The following CSMD1 variants were observed in gnomAD, a reference collection of about 807,000 sequenced individuals.
CSMD1 encodes CUB and sushi domain-containing protein 1.
CSMD1 carries 213 observed loss-of-function variants against 417.5 expected under a neutral mutation model. That is an observed-to-expected ratio of 0.51 (90% CI 0.46 to 0.57). CSMD1 has a LOEUF of 0.57. Among genes scored for constraint, CSMD1 ranks in the 20% least tolerant of loss-of-function variants. CSMD1 has a pLI of 0.00. For missense variants in CSMD1, 6,923 were observed against 4,529.7 expected (o/e 1.53, Z -15.17); for synonymous variants, 2,862 against 1,736.8 (o/e 1.65, Z -16.11).
At chr8:4,761,291 C>T (rs1812024976) in intron 1 of CSMD1, among the ~76,000 whole-genome samples, 1 of 151,794 alleles carries the variant, frequency 6.6e-6, no homozygotes. Flanking sequence ...GTAAAATGCA[C>T]AAGGGATTTT....
chr8:4,391,341 A>C (rs1803838000), intron 3 of CSMD1, among the ~76,000 whole-genome samples: 1 of 152,170 alleles, frequency 6.6e-6, no homozygotes, highest in Non-Finnish European at 1.5e-5. Context: ...CCCTTGACTG[A>C]GCTGAGCTAT....
intron 41 of CSMD1, among the ~76,000 whole-genome samples, chr8:3,140,107 T>C (rs1414925434): frequency 6.6e-6 from 1 of 152,138 alleles, no homozygotes; most frequent in Non-Finnish European, 1.5e-5. Flanking sequence ...TTTCACCATA[T>C]CGGCCAGGTT....
At chr8:4,734,541 T>C (rs1810102084) in intron 1 of CSMD1, among the ~76,000 whole-genome samples, 1 of 152,180 alleles carries the variant, frequency 6.6e-6, no homozygotes, top group Non-Finnish European at 1.5e-5. Context: ...AGAAACGTAT[T>C]TGGTAGCGAA....
intron 3 of CSMD1, among the ~76,000 whole-genome samples, chr8:4,166,825 A>G (rs1023012002): frequency 6.6e-6 from 1 of 152,216 alleles, no homozygotes; most frequent in Non-Finnish European, 1.5e-5. Context: ...ATTTTACACT[A>G]CTTATCTTTT....
At chr8:4,308,032 A>T (rs1330144350) in intron 3 of CSMD1, among the ~76,000 whole-genome samples, 2 of 152,192 alleles carry the variant, frequency 1.3e-5, no homozygotes, top group Non-Finnish European at 2.9e-5. Flanking sequence ...CTACAGAGCA[A>T]CGCCAGACAT....
intron 1 of CSMD1, among the ~76,000 whole-genome samples, chr8:4,804,265 T>C (rs1798464590): frequency 6.6e-6 from 1 of 152,176 alleles, no homozygotes; most frequent in South Asian, 2.1e-4. Flanking sequence ...AATAAGCCTC[T>C]AATTATTGAA....
At chr8:4,756,785 G>A (rs537867001) in intron 1 of CSMD1, among the ~76,000 whole-genome samples, 2 of 152,230 alleles carry the variant, frequency 1.3e-5, no homozygotes, top group Admixed American at 1.3e-4. Context: ...GGCATTTTAG[G>A]TCTATATTTT....
At chr8:2,985,337 G>A (rs916246054) in intron 54 of CSMD1, among the ~76,000 whole-genome samples, 1 of 151,788 alleles carries the variant, frequency 6.6e-6, no homozygotes, top group African/African-American at 2.4e-5. Flanking sequence ...ACTGTGGTGT[G>A]ATACTGCTAC....
chr8:4,085,316 C>A (rs894070910), intron 3 of CSMD1, among the ~76,000 whole-genome samples: 2 of 152,056 alleles, frequency 1.3e-5, no homozygotes, highest in African/African-American at 4.8e-5. Context: ...TTTAATGAAG[C>A]TTCTTGGAGT....
At chr8:4,321,183 T>C (rs1397119898) in intron 3 of CSMD1, among the ~76,000 whole-genome samples, 1 of 152,082 alleles carries the variant, frequency 6.6e-6, no homozygotes, top group Non-Finnish European at 1.5e-5. Context: ...GTGATCAAAG[T>C]GTAGGGTTCA....
intron 1 of CSMD1, among the ~76,000 whole-genome samples, chr8:4,767,745 C>T (rs1437106910): frequency 2.0e-5 from 3 of 152,132 alleles, no homozygotes; most frequent in Non-Finnish European, 2.9e-5. Context: ...CTTGATTTTG[C>T]ATTTATTTAT....
chr8:3,450,950 A>T (rs1435371647), intron 12 of CSMD1, among the ~76,000 whole-genome samples: 1 of 152,026 alleles, frequency 6.6e-6, no homozygotes, highest in Non-Finnish European at 1.5e-5. Context: ...AAGTGTTCCT[A>T]TTTCACCACA....
chr8:4,080,369 C>G (rs1300949379), intron 3 of CSMD1, among the ~76,000 whole-genome samples: 1 of 152,186 alleles, frequency 6.6e-6, no homozygotes, highest in Non-Finnish European at 1.5e-5. Context: ...TCTACACAAA[C>G]AGGTATCAGA....
At position 3,875,019 on chromosome 8, in the gene CSMD1, C is replaced by T. The variant is rs1424270935; in HGVS notation, c.819-120977G>A. Among the ~76,000 whole-genome samples, 6 of 152,212 alleles carry T rather than the reference C, an allele frequency of 3.9e-5. No homozygotes were observed. The South Asian group carries it at 1.2e-3, about 32-fold the overall frequency. On this transcript the variant is annotated intron_variant, in intron 5 of 69. Coordinates refer to ENST00000635120, the MANE Select transcript of CSMD1 (RefSeq NM_033225.6). ...TGCATCATCTCAAGAAGAATGGATG[C>T]AAGCACAAAGGCTGGCATGAGCTGG...
chr8:3,917,490 T>C (rs953497982), intron 5 of CSMD1, among the ~76,000 whole-genome samples: 25 of 152,276 alleles, frequency 1.6e-4, no homozygotes, highest in Middle Eastern at 6.8e-3. Flanking sequence ...GAAAGTTTTG[T>C]TAAAAGATAA....
Position 2,949,248 on chromosome 8 carries a change from T to C in CSMD1, c.10402+51A>G. ...TTCCATTTCTTCTTAGAAACATCAT[T>C]GGAAAGCCAAACTGATATTTGCTTT... On this transcript the variant is annotated intron_variant, in intron 68 of 69. Coordinates refer to ENST00000635120, the MANE Select transcript of CSMD1 (RefSeq NM_033225.6). The C allele has an allele frequency of 3.8e-6, 4 of 1,048,326 alleles. No individual in the cohort carries two copies. The South Asian group carries it at 5.5e-5, about 15-fold the overall frequency. 64.9% of individuals were successfully genotyped at this position (1,048,326 alleles called of 1,614,324 possible).
At chr8:3,885,286 G>T (rs10091195) in intron 5 of CSMD1, among the ~76,000 whole-genome samples, 1 of 152,038 alleles carries the variant, frequency 6.6e-6, no homozygotes, top group Non-Finnish European at 1.5e-5. Flanking sequence ...GTGAGTTATA[G>T]AATCAATCTG....
At chr8:4,318,014 C>T (rs938971643) in intron 3 of CSMD1, among the ~76,000 whole-genome samples, 2 of 151,990 alleles carry the variant, frequency 1.3e-5, no homozygotes, top group Non-Finnish European at 2.9e-5. Flanking sequence ...AATTAGAATC[C>T]AGGAGTAATT....
At chr8:4,617,720 A>T (rs912705060) in intron 2 of CSMD1, among the ~76,000 whole-genome samples, 1 of 152,024 alleles carries the variant, frequency 6.6e-6, no homozygotes, top group Non-Finnish European at 1.5e-5. Context: ...TCCACTTATT[A>T]CCTACCCCAA....
Sources: allele counts gnomAD v4.1 joint callset (sites outside exome capture counted in the v4.1 genomes callset), GRCh38; gene constraint gnomAD v4.1.1; transcripts MANE v1.5; gene names NCBI Gene and HGNC (gene_info 2026-07-23, HGNC 2026-07-21).